The following MTSS1 variants were observed in gnomAD, a reference collection of about 807,000 sequenced individuals.
MTSS1 encodes the protein protein MTSS 1.
A neutral mutation model predicts 79.0 loss-of-function variants in MTSS1; 18 were observed. The observed-to-expected ratio is 0.23, with a 90% CI of 0.16 to 0.34. The LOEUF is 0.34. Among genes scored for constraint, MTSS1 ranks in the 10% least tolerant of loss-of-function variants. MTSS1 has a pLI of 1.00. For synonymous variants in MTSS1, 341 were observed against 368.6 expected (o/e 0.93, Z 0.86); for missense variants, 815 against 986.2 (o/e 0.83, Z 2.33).
At chr8:124,696,745 G>A (rs1285343955) in intron 3 of MTSS1, among the ~76,000 whole-genome samples, 1 of 151,998 alleles carries the variant, frequency 6.6e-6, no homozygotes, top group African/African-American at 2.4e-5. Flanking sequence ...CAGCTACTTG[G>A]GAGGCTGAGG....
At chr8:124,661,878 T>C (rs1055800708) in intron 3 of MTSS1, among the ~76,000 whole-genome samples, 1 of 152,128 alleles carries the variant, frequency 6.6e-6, no homozygotes, top group Admixed American at 6.6e-5. Flanking sequence ...CCTTAGACTA[T>C]GATATTTGTA....
At chr8:124,576,678 C>T (rs1829017694) in intron 6 of MTSS1, among the ~76,000 whole-genome samples, 1 of 152,162 alleles carries the variant, frequency 6.6e-6, no homozygotes, top group Admixed American at 6.5e-5. Flanking sequence ...AAGAATGGCA[C>T]CAGGCGTGAA....
intron 3 of MTSS1, among the ~76,000 whole-genome samples, chr8:124,661,414 C>T (rs954642657): frequency 1.6e-4 from 25 of 152,040 alleles, no homozygotes; most frequent in Non-Finnish European, 1.8e-4. Context: ...AGAGCAAGTT[C>T]ATGAACCATG....
intron 3 of MTSS1, among the ~76,000 whole-genome samples, chr8:124,648,709 G>GCCCCCCCC (rs565378341): frequency 6.8e-6 from 1 of 147,772 alleles, no homozygotes; most frequent in African/African-American, 2.6e-5. Context: ...CCAAATAGCA[G>GCCCCCCCC]CCCCCCCCCA....
At chr8:124,720,119 C>T (rs1023119152) in intron 1 of MTSS1, among the ~76,000 whole-genome samples, 2 of 152,206 alleles carry the variant, frequency 1.3e-5, no homozygotes, top group African/African-American at 2.4e-5. Flanking sequence ...AGGTCACTGT[C>T]TAATGGGGCC....
At chr8:124,695,942 G>A (rs1828742400) in intron 3 of MTSS1, among the ~76,000 whole-genome samples, 3 of 151,404 alleles carry the variant, frequency 2.0e-5, no homozygotes, top group South Asian at 4.2e-4. Context: ...CCCAATTCCC[G>A]GGAGGGGCGG....
At chr8:124,631,080 C>G (rs550501199) in intron 3 of MTSS1, among the ~76,000 whole-genome samples, 3 of 152,328 alleles carry the variant, frequency 2.0e-5, no homozygotes, top group African/African-American at 4.8e-5. Flanking sequence ...AGCACTTGAG[C>G]ATTTCATTGG....
intron 6 of MTSS1, among the ~76,000 whole-genome samples, chr8:124,581,143 C>G (rs778227028): frequency 6.6e-6 from 1 of 151,448 alleles, no homozygotes; most frequent in Non-Finnish European, 1.5e-5. Flanking sequence ...TTATAATGTT[C>G]CAGTTCTCTC....
intron 3 of MTSS1, among the ~76,000 whole-genome samples, chr8:124,662,561 A>C (rs1822253710): frequency 6.6e-6 from 1 of 152,174 alleles, no homozygotes; most frequent in South Asian, 2.1e-4. Flanking sequence ...GCTCTGCCCC[A>C]GGCCTCCTGA....
At chr8:124,614,125 C>G (rs1006072654) in intron 3 of MTSS1, among the ~76,000 whole-genome samples, 4 of 145,482 alleles carry the variant, frequency 2.7e-5, no homozygotes, top group African/African-American at 1.0e-4. Context: ...GATCATGCCA[C>G]TGCACTCCAG....
At chr8:124,675,663 C>T (rs933095216) in intron 3 of MTSS1, among the ~76,000 whole-genome samples, 4 of 152,198 alleles carry the variant, frequency 2.6e-5, no homozygotes, top group Admixed American at 1.3e-4. Context: ...CCATTCCCTA[C>T]TCTCACCAAC....
chr8:124,603,787 G>A (rs1277378096), intron 3 of MTSS1, among the ~76,000 whole-genome samples: 1 of 152,188 alleles, frequency 6.6e-6, no homozygotes, highest in Non-Finnish European at 1.5e-5. Flanking sequence ...TCACTGAGCA[G>A]CGTCCTGATA....
chr8:124,559,684 G>A (rs1039219457), intron 10 of MTSS1, among the ~76,000 whole-genome samples: 1 of 152,162 alleles, frequency 6.6e-6, no homozygotes, highest in Non-Finnish European at 1.5e-5. Context: ...CTACACCCAA[G>A]TTTCTTCTAG....
chr8:124,613,942 G>A lies in MTSS1; in HGVS notation c.209-22707C>T, dbSNP rs117229549. 2.5e-3 allele frequency among the ~76,000 whole-genome samples: 388 copies of A among 152,260 alleles called. 14 individuals carry two copies. In the East Asian group the frequency reaches 0.066, roughly 26 times the overall value. On this transcript the variant is annotated intron_variant, in intron 3 of 13. Transcript: ENST00000518547. ...TTTGGGAGGCTGAGGCAGGAGGATG[G>A]TTTGAGCTCAGGAGTTCAAGACCAG...
chr8:124,697,173 A>G (rs1398341748), intron 3 of MTSS1, among the ~76,000 whole-genome samples: 1 of 152,190 alleles, frequency 6.6e-6, no homozygotes, highest in Non-Finnish European at 1.5e-5. Context: ...ATTAAACATT[A>G]AAATATAAAA....
chr8:124,704,223 A>AC, intron 1 of MTSS1, 32 bp from the exon 2 acceptor site: 1 of 1,573,200 alleles, frequency 6.4e-7, no homozygotes, highest in Admixed American at 1.7e-5. Context: ...AGTAAGTCAC[A>AC]CTGCGATAGA....
intron 1 of MTSS1, 129 bp from the exon 2 acceptor site, chr8:124,704,320 T>C (rs1338446412): frequency 3.7e-6 from 3 of 817,274 alleles, no homozygotes; most frequent in Non-Finnish European, 6.3e-6. Flanking sequence ...AGGTCTGCAA[T>C]ACGTTTCCCG....
chr8:124,641,512 G>T (rs1014566007), intron 3 of MTSS1, among the ~76,000 whole-genome samples: 3 of 152,156 alleles, frequency 2.0e-5, no homozygotes, highest in South Asian at 2.1e-4. Context: ...TATGGAAAGT[G>T]CCCAGCCCAG....
intron 3 of MTSS1, among the ~76,000 whole-genome samples, chr8:124,621,864 A>C (rs1022228050): frequency 1.3e-5 from 2 of 152,140 alleles, no homozygotes; most frequent in African/African-American, 4.8e-5. Flanking sequence ...CTCTTTCCCC[A>C]GAGAAATCCT....
Sources: allele counts gnomAD v4.1 joint callset (sites outside exome capture counted in the v4.1 genomes callset), GRCh38; gene constraint gnomAD v4.1.1; transcripts MANE v1.5; gene names NCBI Gene and HGNC (gene_info 2026-07-23, HGNC 2026-07-21).